Variants in GRIA3 observed in about 807,000 individuals in gnomAD.
The protein encoded by GRIA3 is glutamate ionotropic receptor AMPA type subunit 3.
A neutral mutation model predicts 63.0 loss-of-function variants in GRIA3; 3 were observed. The observed-to-expected ratio is 0.05, with a 90% CI of 0.02 to 0.12. GRIA3 has a LOEUF of 0.12. Among genes scored for constraint, GRIA3 ranks in the 10% least tolerant of loss-of-function variants. GRIA3 has a pLI of 1.00. For missense variants in GRIA3, 347 were observed against 700.9 expected (o/e 0.50, Z 5.70); for synonymous variants, 274 against 257.9 (o/e 1.06, Z -0.60).
intron 5 of GRIA3, among the ~76,000 whole-genome samples, chrX:123,362,626 G>A (rs181931511): frequency 1.7e-3 from 186 of 110,083 alleles, no homozygotes; most frequent in African/African-American, 6.0e-3. Context: ...AGCAGGGAAG[G>A]GGTATGATCT....
chrX:123,321,003 A>G (rs2044864350), intron 3 of GRIA3, among the ~76,000 whole-genome samples: 1 of 112,271 alleles, frequency 8.9e-6, no homozygotes, highest in Non-Finnish European at 1.9e-5. Context: ...GAAAAGAGTT[A>G]CACAGCTTTA....
intron 3 of GRIA3, among the ~76,000 whole-genome samples, chrX:123,288,227 A>C (rs1219410821): frequency 1.8e-5 from 2 of 112,078 alleles, no homozygotes; most frequent in African/African-American, 6.5e-5. Context: ...AGAAAACTGA[A>C]ACTGGACCCC....
intron 13 of GRIA3, among the ~76,000 whole-genome samples, chrX:123,470,558 A>G (rs767618008): frequency 2.7e-4 from 30 of 111,771 alleles, no homozygotes; most frequent in African/African-American, 9.1e-4. Context: ...TTGCTTAGCA[A>G]GTCTTCTCTT....
At chrX:123,212,753 T>C (rs979410037) in intron 2 of GRIA3, among the ~76,000 whole-genome samples, 1 of 112,441 alleles carries the variant, frequency 8.9e-6, no homozygotes, top group African/African-American at 3.2e-5. Context: ...TGGGTAATAA[T>C]ATCAGAAATA....
At chrX:123,194,715 T>C (rs991980169) in intron 2 of GRIA3, among the ~76,000 whole-genome samples, 1 of 112,269 alleles carries the variant, frequency 8.9e-6, no homozygotes, top group African/African-American at 3.2e-5. Context: ...CTATGGGCGA[T>C]ACTAACGCAT....
chrX:123,386,284 G>A (rs1039913261), intron 5 of GRIA3, among the ~76,000 whole-genome samples: 4 of 111,200 alleles, frequency 3.6e-5, no homozygotes, highest in Admixed American at 2.9e-4. Context: ...ACTTTTTAAC[G>A]GGATTATTTG....
chrX:123,305,012 A>G (rs1569417097), intron 3 of GRIA3, among the ~76,000 whole-genome samples: 1 of 111,420 alleles, frequency 9.0e-6, no homozygotes, highest in Non-Finnish European at 1.9e-5. Flanking sequence ...ATAAATCTTC[A>G]ATGACAAAAA....
intron 2 of GRIA3, among the ~76,000 whole-genome samples, chrX:123,217,481 G>A (rs1486377152): frequency 9.0e-6 from 1 of 111,629 alleles, no homozygotes; most frequent in Non-Finnish European, 1.9e-5. Context: ...CCACAGAAAT[G>A]CCAGCCGACC....
chrX:123,200,996 C>G (rs1320428582), intron 2 of GRIA3, among the ~76,000 whole-genome samples: 2 of 111,866 alleles, frequency 1.8e-5, no homozygotes, highest in Admixed American at 1.9e-4. Flanking sequence ...AGGAGCTTAA[C>G]CCCTCTAAAT....
At chrX:123,449,485 G>T (rs2045719439) in intron 12 of GRIA3, among the ~76,000 whole-genome samples, 1 of 111,970 alleles carries the variant, frequency 8.9e-6, no homozygotes, top group Admixed American at 9.5e-5. Flanking sequence ...TCCATGGCGT[G>T]CAGTTTATGC....
Position 123,304,566 on chromosome X carries a change from AG to A in GRIA3, c.509-21459del, listed in dbSNP as rs776983409. Among the ~76,000 whole-genome samples the A allele has an allele frequency of 4.3e-3, 486 of 111,759 alleles. 1 individual carries two copies. Among genetic ancestry groups the A allele is most frequent in the Non-Finnish European group, 6.2e-3 (327 of 53,094 alleles). Reference sequence around the variant, plus strand: ...TTCGAAGTGCCAAAGACCAGGGAACAGTCTCAGGAATACTAGCCCAAGTTGA... The same window carrying A: ...TTCGAAGTGCCAAAGACCAGGGAACATCTCAGGAATACTAGCCCAAGTTGA... On this transcript the variant is annotated intron_variant, in intron 3 of 15. Coordinates refer to ENST00000620443, the MANE Select transcript of GRIA3 (RefSeq NM_007325.5).
At chrX:123,412,842 A>G (rs775469803) in intron 10 of GRIA3, among the ~76,000 whole-genome samples, 97 of 111,119 alleles carry the variant, frequency 8.7e-4, no homozygotes, top group South Asian at 1.2e-3. Flanking sequence ...ATTTAATGCC[A>G]TTCTTGATTG....
chrX:123,269,138 G>A (rs778299573), intron 3 of GRIA3, among the ~76,000 whole-genome samples: 2 of 111,822 alleles, frequency 1.8e-5, no homozygotes, highest in African/African-American at 6.5e-5. Context: ...TTCTCACATC[G>A]ATTAGCAAGT....
intron 10 of GRIA3, among the ~76,000 whole-genome samples, chrX:123,416,586 T>C (rs767088528): frequency 2.7e-5 from 3 of 112,986 alleles, no homozygotes; most frequent in African/African-American, 9.6e-5. Context: ...CCTAAGTTAA[T>C]TGTGCAGTGC....
chrX:123,282,671 C>T (rs1165146180), intron 3 of GRIA3, among the ~76,000 whole-genome samples: 1 of 112,523 alleles, frequency 8.9e-6, no homozygotes, highest in South Asian at 3.7e-4. Context: ...TTTGGGAGGC[C>T]AAGGTGGGCA....
chrX:123,321,366 G>A (rs1056053182), intron 3 of GRIA3, among the ~76,000 whole-genome samples: 1 of 111,643 alleles, frequency 9.0e-6, no homozygotes, highest in African/African-American at 3.3e-5. Flanking sequence ...ATCATTTGGG[G>A]GACTGTTAAA....
At chrX:123,383,977 G>A (rs2045339394) in intron 5 of GRIA3, among the ~76,000 whole-genome samples, 1 of 111,453 alleles carries the variant, frequency 9.0e-6, no homozygotes. Flanking sequence ...TTCTGTTCCT[G>A]TGTTAGTTGG....
At chrX:123,309,352 G>C (rs1211457856) in intron 3 of GRIA3, among the ~76,000 whole-genome samples, 1 of 98,758 alleles carries the variant, frequency 1.0e-5, no homozygotes, top group African/African-American at 4.0e-5. Flanking sequence ...GGGTGACAGA[G>C]AGATACTCTG....
intron 5 of GRIA3, among the ~76,000 whole-genome samples, chrX:123,376,259 G>GA (rs981395299): frequency 5.5e-4 from 59 of 107,693 alleles, no homozygotes; most frequent in Non-Finnish European, 7.0e-4. Flanking sequence ...ATATGTGACA[G>GA]AAAAAAAAAC....
Sources: gnomAD v4.1 joint callset for allele counts (sites outside exome capture counted in the v4.1 genomes callset) on GRCh38, gnomAD v4.1.1 for gene constraint, MANE v1.5 for transcripts, NCBI Gene and HGNC (gene_info 2026-07-23, HGNC 2026-07-21) for gene names.